The following NFASC variants were observed in gnomAD, a reference collection of about 807,000 sequenced individuals.
NFASC encodes neurofascin.
Under a neutral mutation model 147.5 loss-of-function variants are expected in NFASC, and 43 were observed. That is an observed-to-expected ratio of 0.29 (90% CI 0.23 to 0.38). NFASC has a LOEUF of 0.38. Among genes scored for constraint, NFASC ranks in the 10% least tolerant of loss-of-function variants. The probability of loss-of-function intolerance (pLI) is 1.00; values close to 1 mark genes in which losing one functional copy is unlikely to be tolerated. For missense variants in NFASC, 1,320 were observed against 1,689.0 expected (o/e 0.78, Z 3.83); for synonymous variants, 622 against 665.5 (o/e 0.93, Z 1.01).
At chr1:204,846,877 T>C (rs2075199515) in intron 1 of NFASC, among the ~76,000 whole-genome samples, 1 of 152,120 alleles carries the variant, frequency 6.6e-6, no homozygotes, top group South Asian at 2.1e-4. Context: ...AGCTGGCACT[T>C]GCTCAACTTT....
intron 1 of NFASC, among the ~76,000 whole-genome samples, chr1:204,883,862 G>A (rs1052347374): frequency 6.6e-6 from 1 of 152,186 alleles, no homozygotes; most frequent in Non-Finnish European, 1.5e-5. Flanking sequence ...GATGAGTGGT[G>A]CCTGAGTCCC....
intron 8 of NFASC, among the ~76,000 whole-genome samples, chr1:204,960,452 G>A (rs1471441258): frequency 6.6e-6 from 1 of 152,182 alleles, no homozygotes; most frequent in Non-Finnish European, 1.5e-5. Context: ...AGCGAGGAGG[G>A]TCCTCCCTAA....
intron 3 of NFASC, among the ~76,000 whole-genome samples, chr1:204,948,452 T>G (rs2068666): frequency 0.066 from 10,021 of 152,244 alleles, 503 homozygotes; most frequent in South Asian, 0.13. Context: ...AACCAACTCT[T>G]GCTGCCCTGA....
At chr1:204,943,381 C>G (rs1321028701) in intron 2 of NFASC, among the ~76,000 whole-genome samples, 1 of 152,154 alleles carries the variant, frequency 6.6e-6, no homozygotes, top group Non-Finnish European at 1.5e-5. Flanking sequence ...AACACCATCC[C>G]TGTAAGCCCT....
rs376467851 is a variant in NFASC, at chr1:204,980,353, G to A, written c.2177-17G>A. The A allele has an allele frequency of 2.5e-6, 4 of 1,611,264 alleles. No homozygotes were observed. The highest frequency in any genetic ancestry group is 2.7e-5 in the African/African-American group (2 of 74,996). On this transcript the variant is annotated splice_polypyrimidine_tract_variant and intron_variant, in intron 19 of 29. Coordinates refer to ENST00000339876, the MANE Select transcript of NFASC (RefSeq NM_001005388.3). ...AGGCACAAATTGGACTTGAGCCTGT[G>A]TCTGTTTGGGTTCCAGCCCCCGAGT...
At chr1:204,993,202 C>G (rs192157523) in intron 24 of NFASC, among the ~76,000 whole-genome samples, 1 of 152,324 alleles carries the variant, frequency 6.6e-6, no homozygotes, top group Admixed American at 6.5e-5. Flanking sequence ...CTGTTCATCT[C>G]TCACCCAGTG....
At chr1:204,843,453 T>C (rs925498704) in intron 1 of NFASC, among the ~76,000 whole-genome samples, 2 of 152,226 alleles carry the variant, frequency 1.3e-5, no homozygotes, top group Non-Finnish European at 2.9e-5. Flanking sequence ...TTTTGACTTT[T>C]CTAGTTTTAC....
chr1:204,921,881 A>G (rs1452372128), intron 2 of NFASC, among the ~76,000 whole-genome samples: 1 of 151,722 alleles, frequency 6.6e-6, no homozygotes, highest in East Asian at 1.9e-4. Context: ...TGGGCCCTTT[A>G]GGGCCACCAC....
intron 1 of NFASC, among the ~76,000 whole-genome samples, chr1:204,894,469 A>G (rs917061051): frequency 3.9e-5 from 6 of 152,332 alleles, no homozygotes; most frequent in South Asian, 4.1e-4. Flanking sequence ...CTGTGTATCA[A>G]GAACAGTTGT....
chr1:204,840,343 G>T (rs972053347), intron 1 of NFASC, among the ~76,000 whole-genome samples: 2 of 152,184 alleles, frequency 1.3e-5, no homozygotes, highest in Non-Finnish European at 2.9e-5. Flanking sequence ...TGAGGGTTGG[G>T]TCTAGGTACT....
intron 1 of NFASC, among the ~76,000 whole-genome samples, chr1:204,875,665 C>A (rs74138645): frequency 0.014 from 2,152 of 152,142 alleles, 44 homozygotes; most frequent in African/African-American, 0.049. Context: ...CTCCCCTGCC[C>A]TTTCCCCCCA....
At position 205,015,187 on chromosome 1, in the gene NFASC, C is replaced by T. The variant is rs994885065; in HGVS notation, c.3492-1121C>T. ...GCAACTCAGCTGGTTGTCTTCCCCA[C>T]GTCCAGGAAGGACTGGGGGTGGGTG... On this transcript the variant is annotated intron_variant, in intron 29 of 29. Transcript: ENST00000339876. The surrounding 1 kb of genome is among the most constrained non-coding windows in gnomAD (Gnocchi z 4.0). 5.3e-5 allele frequency among the ~76,000 whole-genome samples: 8 copies of T among 152,200 alleles called. No homozygotes were observed. Among genetic ancestry groups the T allele is most frequent in the Non-Finnish European group, 8.8e-5 (6 of 68,030 alleles).
intron 1 of NFASC, among the ~76,000 whole-genome samples, chr1:204,881,197 G>A (rs1428157802): frequency 1.3e-5 from 2 of 152,142 alleles, no homozygotes; most frequent in Non-Finnish European, 2.9e-5. Context: ...CTCTACCTTG[G>A]CCCTAGGGAC....
intron 1 of NFASC, among the ~76,000 whole-genome samples, chr1:204,866,083 C>T (rs1001813858): frequency 6.6e-6 from 1 of 152,236 alleles, no homozygotes; most frequent in African/African-American, 2.4e-5. Flanking sequence ...CAGTCATCCA[C>T]AACTTTGCTC....
chr1:204,946,746 C>T (rs1270789727), intron 3 of NFASC: 1 of 519,044 alleles, frequency 1.9e-6, no homozygotes, highest in Admixed American at 1.9e-5. Context: ...TGGCCTTCCT[C>T]TGCAAGTGGA....
chr1:204,960,381 C>T (rs935187614), intron 8 of NFASC, among the ~76,000 whole-genome samples: 3 of 152,220 alleles, frequency 2.0e-5, no homozygotes, highest in Non-Finnish European at 4.4e-5. Flanking sequence ...GCCCGTCCCA[C>T]TCTGCCTATG....
Position 204,997,796 on chromosome 1 carries a change from C to T in NFASC, c.3019+390C>T, listed in dbSNP as rs74966105. 1,840 of 327,980 alleles carry T rather than the reference C, an allele frequency of 5.6e-3. 39 individuals are homozygous for T. Among genetic ancestry groups the T allele is most frequent in the African/African-American group, 0.037 (1,716 of 46,868 alleles). The allele number at this position is 327,980 out of a possible 1,614,324, so 20.3% of individuals were successfully genotyped here. A position where few individuals can be genotyped will look rare whatever the true frequency, so the allele number is the denominator to read the frequency against. The stretch of plus-strand genomic sequence containing the variant: ...GCCGAGCACTCCAGAAGGAAGACAG[C>T]GTGAGGAGGGGAAAAGGACCAGATA... On this transcript the variant is annotated intron_variant, in intron 25 of 29. Transcript: ENST00000339876.
At chr1:204,857,801 G>A (rs184371760) in intron 1 of NFASC, among the ~76,000 whole-genome samples, 5 of 152,180 alleles carry the variant, frequency 3.3e-5, no homozygotes, top group Non-Finnish European at 4.4e-5. Context: ...TCAAATTGTT[G>A]ACAGGGTTGG....
chr1:204,999,490 A>C (rs2095924520), intron 25 of NFASC: 1 of 152,178 alleles, frequency 6.6e-6, no homozygotes, highest in African/African-American at 2.4e-5. Flanking sequence ...CAAGTCCCCA[A>C]ATAATGACTA....
Sources: gnomAD v4.1 joint callset for allele counts (sites outside exome capture counted in the v4.1 genomes callset) on GRCh38, gnomAD v4.1.1 for gene constraint, Gnocchi (gnomAD v3.1) non-coding constraint, MANE v1.5 for transcripts, NCBI Gene and HGNC (gene_info 2026-07-23, HGNC 2026-07-21) for gene names.